FGGY: variants seen among roughly 807,000 people sequenced by gnomAD.
FGGY encodes FGGY carbohydrate kinase domain containing, also known as FGGY carbohydrate kinase domain-containing protein.
A neutral mutation model predicts 71.3 loss-of-function variants in FGGY; 72 were observed. That is an observed-to-expected ratio of 1.01 (90% confidence interval 0.84 to 1.23). The LOEUF is 1.23. Ranked by LOEUF, FGGY falls within the 50% of genes most tolerant of loss-of-function variation. The pLI is 0.00. For missense variants in FGGY, 668 were observed against 682.3 expected, an observed-to-expected ratio of 0.98 and a Z score of 0.23; for synonymous variants, 251 against 250.3, an observed-to-expected ratio of 1.00 and a Z score of -0.02.
chr1:59,620,220 TA>T (rs1316877283), intron 9 of FGGY, among the ~76,000 whole-genome samples: 1 of 152,000 alleles, frequency 6.6e-6, no homozygotes, highest in Non-Finnish European at 1.5e-5. Flanking sequence ...AAAAATAAAA[TA>T]AAAAATTAGG....
In FGGY at chr1:59,653,607, C is replaced by T. The variant is rs185299654; in HGVS notation, c.1222-6612C>T. On this transcript the variant is annotated intron_variant, in intron 11 of 15. Transcript: ENST00000303721. ...GGTGAGGCAATGCCTCGCCCTGCTTCGGCTTGCGCATGGTGCTTGCACCCA... is the reference window on the plus strand; with the variant it reads ...GGTGAGGCAATGCCTCGCCCTGCTTTGGCTTGCGCATGGTGCTTGCACCCA... Among the ~76,000 whole-genome samples, 63 of 152,366 alleles carry T rather than the reference C, an allele frequency of 4.1e-4. 1 individual carries two copies. The highest frequency in any genetic ancestry group is 1.3e-3 in the African/African-American group (52 of 41,600).
chr1:59,638,412 A>G, intron 11 of FGGY, 37 bp downstream of exon 11: 2 of 1,605,956 alleles, frequency 1.2e-6, no homozygotes, highest in Non-Finnish European at 1.7e-6. Flanking sequence ...GGGTGAAGGC[A>G]GGCCAAAGGG....
At chr1:59,548,723 G>C (rs937070254) in intron 7 of FGGY, among the ~76,000 whole-genome samples, 2 of 152,146 alleles carry the variant, frequency 1.3e-5, no homozygotes, top group Non-Finnish European at 1.5e-5. Flanking sequence ...GTCCTCAGTT[G>C]TACTAGCCAC....
Position 59,757,925 on chromosome 1 carries a change from T to A in FGGY, c.1513-6T>A. The A allele has an allele frequency of 6.2e-7, 1 of 1,611,408 alleles. No homozygotes were observed. The highest frequency in any genetic ancestry group is 8.5e-7 in the Non-Finnish European group (1 of 1,177,982). ...TCAGCTGTCTATGTTGTTTTCCATT[T>A]AATAGGAAGCAATGGCAAAAATGAG... On this transcript the variant is annotated splice_polypyrimidine_tract_variant and splice_region_variant and intron_variant, in intron 14 of 15. Coordinates refer to ENST00000303721, the MANE Select transcript of FGGY (RefSeq NM_018291.5).
chr1:59,361,650 A>G (rs1047893684), intron 4 of FGGY, among the ~76,000 whole-genome samples: 5 of 151,984 alleles, frequency 3.3e-5, no homozygotes, highest in African/African-American at 1.2e-4. Context: ...GTGAAGGGGG[A>G]CCTCATGGGA....
intron 14 of FGGY, among the ~76,000 whole-genome samples, chr1:59,715,284 A>C (rs1340742219): frequency 6.6e-6 from 1 of 152,228 alleles, no homozygotes; most frequent in Non-Finnish European, 1.5e-5. Context: ...ACCAATGCTG[A>C]GACCAAGGAA....
intron 14 of FGGY, among the ~76,000 whole-genome samples, chr1:59,691,895 G>A (rs963999335): frequency 1.1e-4 from 16 of 152,142 alleles, no homozygotes; most frequent in African/African-American, 3.1e-4. Flanking sequence ...GACCCCTTAT[G>A]TAAATGCCTC....
chr1:59,579,139 G>A (rs144550041), intron 8 of FGGY, among the ~76,000 whole-genome samples: 3 of 152,168 alleles, frequency 2.0e-5, no homozygotes, highest in East Asian at 1.9e-4. Flanking sequence ...CATTCAGATC[G>A]TTCTGTTGGC....
At chr1:59,563,551 A>G (rs1449697971) in intron 8 of FGGY, among the ~76,000 whole-genome samples, 1 of 152,246 alleles carries the variant, frequency 6.6e-6, no homozygotes. Context: ...GGACACAAAC[A>G]AATGGAAAAA....
chr1:59,343,699 T>C (rs1161062927), intron 3 of FGGY, among the ~76,000 whole-genome samples: 1 of 152,166 alleles, frequency 6.6e-6, no homozygotes, highest in African/African-American at 2.4e-5. Context: ...CAGTTTTCCA[T>C]AAGAGCTGAA....
At chr1:59,599,041 G>A (rs1375756780) in intron 8 of FGGY, among the ~76,000 whole-genome samples, 3 of 152,196 alleles carry the variant, frequency 2.0e-5, no homozygotes, top group Non-Finnish European at 2.9e-5. Context: ...AGAAGTCAGG[G>A]TTTATGGAAG....
At chr1:59,487,809 TC>T (rs919809943) in intron 6 of FGGY, among the ~76,000 whole-genome samples, 4 of 116,224 alleles carry the variant, frequency 3.4e-5, no homozygotes, top group Non-Finnish European at 7.1e-5. Context: ...TCCCACCCCC[TC>T]CCCCTTGCCC....
At chr1:59,728,297 G>A (rs957970670) in intron 14 of FGGY, among the ~76,000 whole-genome samples, 3 of 151,852 alleles carry the variant, frequency 2.0e-5, no homozygotes, top group African/African-American at 7.3e-5. Context: ...ATGTAGTGCA[G>A]GTACCTTATA....
Position 59,601,158 on chromosome 1 carries a change from C to T in FGGY, c.904-6645C>T, listed in dbSNP as rs555841029. ...TACCCTCTAAAATTCCCAACCTGGC[C>T]GGAGGCACTCAAAACAAAACCTCCT... On this transcript the variant is annotated intron_variant, in intron 8 of 15. Transcript: ENST00000303721. Among the ~76,000 whole-genome samples, 13 of 152,238 alleles carry T rather than the reference C, an allele frequency of 8.5e-5. No individual in the cohort carries two copies. In the South Asian group the frequency reaches 2.7e-3, roughly 32 times the overall value.
chr1:59,337,002 T>TA (rs2049684459), intron 2 of FGGY, among the ~76,000 whole-genome samples: 1 of 148,356 alleles, frequency 6.7e-6, no homozygotes, highest in South Asian at 2.1e-4. Context: ...TATGTACATG[T>TA]ATGTATATGT....
chr1:59,642,625 CA>C (rs1250512969), intron 11 of FGGY, among the ~76,000 whole-genome samples: 9,364 of 57,546 alleles, frequency 0.16, 659 homozygotes, highest in African/African-American at 0.34. Context: ...GACTCCGTCT[CA>C]AAAAAAAAAA....
intron 14 of FGGY, among the ~76,000 whole-genome samples, chr1:59,712,147 G>C (rs1458791229): frequency 2.6e-5 from 4 of 152,134 alleles, no homozygotes; most frequent in Non-Finnish European, 5.9e-5. Flanking sequence ...AGGGTCTACA[G>C]GCCCCATGCA....
intron 6 of FGGY, among the ~76,000 whole-genome samples, chr1:59,463,613 A>C (rs1468892564): frequency 6.6e-6 from 1 of 151,862 alleles, no homozygotes; most frequent in Non-Finnish European, 1.5e-5. Flanking sequence ...TATTCAGGAA[A>C]CCCGTCTCAC....
chr1:59,610,653 C>G (rs2096666505), intron 9 of FGGY, among the ~76,000 whole-genome samples: 1 of 152,210 alleles, frequency 6.6e-6, no homozygotes, highest in Non-Finnish European at 1.5e-5. Context: ...TGGGGCTTGT[C>G]AGACAGTGGG....
Sources: gnomAD v4.1 joint callset for allele counts (sites outside exome capture counted in the v4.1 genomes callset) on GRCh38, gnomAD v4.1.1 for gene constraint, MANE v1.5 for transcripts, NCBI Gene and HGNC (gene_info 2026-07-23, HGNC 2026-07-21) for gene names.